CDH13: variants seen among roughly 807,000 people sequenced by gnomAD.
The protein encoded by CDH13 is cadherin 13.
Under a neutral mutation model 63.8 loss-of-function variants are expected in CDH13, and 24 were observed. The ratio of observed to expected loss-of-function variants is 0.38; its 90% CI spans 0.27 to 0.53. The LOEUF is 0.53. CDH13 is among the 20% of genes least tolerant of loss of function. The pLI, the probability that CDH13 is intolerant of heterozygous loss-of-function variation, is 0.85. For missense variants in CDH13, 1,049 were observed against 903.1 expected, an observed-to-expected ratio of 1.16 and a Z score of -2.07; for synonymous variants, 503 against 355.3, an observed-to-expected ratio of 1.42 and a Z score of -4.67.
rs189693193 is a variant in CDH13, at chr16:82,667,643, C to G, written c.45+40506C>G. Among the ~76,000 whole-genome samples, 340 of 152,256 alleles carry G rather than the reference C, an allele frequency of 2.2e-3. 2 individuals are homozygous for G. Among genetic ancestry groups the G allele is most frequent in the African/African-American group, 7.9e-3 (327 of 41,554 alleles). On this transcript the variant is annotated intron_variant, in intron 1 of 13. Transcript: ENST00000567109. ...CCCCTATCTGAAGTTGGACAGAGCC[C>G]AGGCAGAGCTGAGATGTGACGTGAG...
intron 8 of CDH13, among the ~76,000 whole-genome samples, chr16:83,646,113 A>G (rs1050798449): frequency 6.6e-6 from 1 of 152,066 alleles, no homozygotes; most frequent in Admixed American, 6.5e-5. Context: ...GTGGGACCAT[A>G]CGTGAAAGCC....
At position 83,496,531 on chromosome 16, in the gene CDH13, A is replaced by C. The variant is rs578151818; in HGVS notation, c.960+9876A>C. ...AATTCAAGATGGATTAAAGACTTAA[A>C]CGTTAGACCTAAAAACCATAAAAAC... On this transcript the variant is annotated intron_variant, in intron 7 of 13. Coordinates refer to ENST00000567109, the MANE Select transcript of CDH13 (RefSeq NM_001257.5). 2.9e-3 allele frequency among the ~76,000 whole-genome samples: 446 copies of C among 152,246 alleles called. 2 individuals are homozygous for C. Among genetic ancestry groups the C allele is most frequent in the African/African-American group, 0.011 (437 of 41,532 alleles).
rs138779837 is a variant in CDH13 at position 83,616,421 on chromosome 16, T to C, written c.1101+13827T>C. On this transcript the variant is annotated intron_variant, in intron 8 of 13. Coordinates refer to ENST00000567109, the MANE Select transcript of CDH13 (RefSeq NM_001257.5). ...CTCTATGCGAATTCCGTGCCTTTGC[T>C]AAACCTCTGGTTATGCTCAAGGGTC... Among the ~76,000 whole-genome samples the C allele has an allele frequency of 6.2e-3, 949 of 152,252 alleles. 6 individuals are homozygous for C. The highest frequency in any genetic ancestry group is 0.021 in the African/African-American group (880 of 41,544).
chr16:83,537,053 G>C (rs201137458), intron 7 of CDH13, among the ~76,000 whole-genome samples: 2 of 152,206 alleles, frequency 1.3e-5, no homozygotes, highest in East Asian at 3.8e-4. Flanking sequence ...AAACATTTTT[G>C]AATGGCAGCT....
chr16:83,658,794 C>T (rs1221143742), intron 8 of CDH13, among the ~76,000 whole-genome samples: 6 of 141,844 alleles, frequency 4.2e-5, no homozygotes, highest in East Asian at 2.3e-4. Context: ...CTCATGTCCT[C>T]ACCACCAGGT....
intron 1 of CDH13, among the ~76,000 whole-genome samples, chr16:82,835,429 G>C (rs2038726058): frequency 6.6e-6 from 1 of 152,176 alleles, no homozygotes; most frequent in Non-Finnish European, 1.5e-5. Context: ...TAGCTGGAGG[G>C]ACCATATTCC....
chr16:82,627,163 G>T, intron 1 of CDH13, 26 bp downstream of exon 1: 1 of 1,583,108 alleles, frequency 6.3e-7, no homozygotes, highest in Non-Finnish European at 8.6e-7. Flanking sequence ...TGCCGGGCGC[G>T]CTCTGCGCCC....
At chr16:82,936,213 T>A (rs2042663504) in intron 2 of CDH13, among the ~76,000 whole-genome samples, 2 of 152,196 alleles carry the variant, frequency 1.3e-5, no homozygotes, top group Admixed American at 6.5e-5. Context: ...CTTGTCTATG[T>A]CTGCAGCTCA....
chr16:83,769,022 G>A (rs1470175989), intron 11 of CDH13, among the ~76,000 whole-genome samples: 5 of 152,258 alleles, frequency 3.3e-5, no homozygotes, highest in Middle Eastern at 3.4e-3. Flanking sequence ...CTTGACCACA[G>A]GGTCACAGAA....
At chr16:83,157,585 A>G (rs1409497976) in intron 4 of CDH13, among the ~76,000 whole-genome samples, 1 of 152,092 alleles carries the variant, frequency 6.6e-6, no homozygotes, top group Non-Finnish European at 1.5e-5. Context: ...AAAATACCAC[A>G]TTGCCTAAGC....
At chr16:83,708,803 T>A (rs1907550810) in intron 10 of CDH13, among the ~76,000 whole-genome samples, 1 of 152,138 alleles carries the variant, frequency 6.6e-6, no homozygotes, top group African/African-American at 2.4e-5. Flanking sequence ...GGTTGGTGGA[T>A]CACTTGAGGC....
intron 6 of CDH13, among the ~76,000 whole-genome samples, chr16:83,440,920 T>C (rs1165007264): frequency 3.9e-5 from 6 of 152,084 alleles, no homozygotes; most frequent in Non-Finnish European, 5.9e-5. Flanking sequence ...GTGACCTACC[T>C]GGAGGGTAGA....
At chr16:83,319,111 C>G (rs975930908) in intron 5 of CDH13, among the ~76,000 whole-genome samples, 3 of 151,936 alleles carry the variant, frequency 2.0e-5, no homozygotes, top group Non-Finnish European at 4.4e-5. Context: ...AGTAAAAGTT[C>G]TTTGGGCAAA....
intron 7 of CDH13, among the ~76,000 whole-genome samples, chr16:83,536,355 G>A (rs1028262963): frequency 5.3e-5 from 8 of 152,144 alleles, no homozygotes; most frequent in African/African-American, 1.4e-4. Context: ...ACCTGACCAC[G>A]GTAGTCATGG....
intron 1 of CDH13, among the ~76,000 whole-genome samples, chr16:82,798,798 C>A (rs947140048): frequency 3.3e-5 from 5 of 152,016 alleles, no homozygotes; most frequent in African/African-American, 1.2e-4. Flanking sequence ...ATTGCAAGAT[C>A]CCAGCAAGGG....
At chr16:83,453,919 C>G (rs118099950) in intron 6 of CDH13, among the ~76,000 whole-genome samples, 5 of 152,196 alleles carry the variant, frequency 3.3e-5, no homozygotes, top group African/African-American at 1.2e-4. Flanking sequence ...AGTGCCAGCT[C>G]AAATGGCATC....
At chr16:83,576,779 A>G (rs1410018743) in intron 7 of CDH13, among the ~76,000 whole-genome samples, 1 of 152,112 alleles carries the variant, frequency 6.6e-6, no homozygotes, top group African/African-American at 2.4e-5. Context: ...ACATTTTTTC[A>G]TGTGTTCATT....
At chr16:83,445,313 C>CTATAATTTATAAA (rs1474019473) in intron 6 of CDH13, among the ~76,000 whole-genome samples, 1 of 98,092 alleles carries the variant, frequency 1.0e-5, no homozygotes, top group Non-Finnish European at 2.8e-5. Context: ...AAAAGGTTTG[C>CTATAATTTATAAA]ATCATTTTCA....
At chr16:83,279,079 G>A (rs192370600) in intron 5 of CDH13, among the ~76,000 whole-genome samples, 48 of 151,036 alleles carry the variant, frequency 3.2e-4, no homozygotes, top group African/African-American at 9.2e-4. Context: ...GTGCAGGTTC[G>A]TCTCATTTTA....
Sources: allele counts gnomAD v4.1 joint callset (sites outside exome capture counted in the v4.1 genomes callset), GRCh38; gene constraint gnomAD v4.1.1; transcripts MANE v1.5; gene names NCBI Gene and HGNC (gene_info 2026-07-23, HGNC 2026-07-21).